Variants in ANXA3 observed in about 807,000 individuals in gnomAD.
ANXA3 encodes the protein annexin A3, also known as 35-alpha calcimedin.
In ANXA3, 46 loss-of-function variants were observed where a neutral mutation model predicts 48.8. The observed-to-expected ratio is 0.94, with a 90% confidence interval of 0.74 to 1.21. The LOEUF (loss-of-function observed/expected upper bound fraction) is 1.21. Ranked by LOEUF, ANXA3 falls within the 50% of genes most tolerant of loss-of-function variation. The pLI is 0.00. For missense variants in ANXA3, 383 were observed against 378.6 expected, an observed-to-expected ratio of 1.01 and a Z score of -0.10; for synonymous variants, 128 against 134.7, an observed-to-expected ratio of 0.95 and a Z score of 0.35.
At position 78,610,206 on chromosome 4, in the gene ANXA3, A is replaced by G. The variant is rs1485883966; in HGVS notation, c.*91A>G. 1.2e-6 allele frequency: 1 copy of G among 808,052 alleles called. No individual in the cohort carries two copies. The highest frequency in any genetic ancestry group is 2.0e-6 in the Non-Finnish European group (1 of 511,360). The allele number at this position is 808,052 out of a possible 1,614,324, so 50.1% of individuals were successfully genotyped here. A position where few individuals can be genotyped will look rare whatever the true frequency, so the allele number is the denominator to read the frequency against. ...ATACTATTTAAGAGAACAAGCAAAT[A>G]TAAACAGCAACTTGTGTTCCTAACA... On this transcript the variant is annotated 3_prime_UTR_variant, in exon 13 of 13. Transcript: ENST00000264908.
chr4:78,587,867 G>A (rs1723209252), intron 6 of ANXA3, among the ~76,000 whole-genome samples: 1 of 152,200 alleles, frequency 6.6e-6, no homozygotes, highest in Non-Finnish European at 1.5e-5. Flanking sequence ...GCTGAGGTCA[G>A]CGGATCACAA....
intron 6 of ANXA3, among the ~76,000 whole-genome samples, chr4:78,589,736 C>T (rs1723251727): frequency 6.6e-6 from 1 of 152,128 alleles, no homozygotes; most frequent in Non-Finnish European, 1.5e-5. Flanking sequence ...TCACTCGCTC[C>T]CTAAGAGAGA....
intron 5 of ANXA3, among the ~76,000 whole-genome samples, chr4:78,586,038 T>C (rs1039692414): frequency 1.2e-4 from 18 of 152,234 alleles, no homozygotes; most frequent in Admixed American, 7.9e-4. Flanking sequence ...AATTATTCAA[T>C]TGATTTTCAC....
At chr4:78,589,212 C>T (rs192134256) in intron 6 of ANXA3, among the ~76,000 whole-genome samples, 79 of 152,224 alleles carry the variant, frequency 5.2e-4, no homozygotes, top group African/African-American at 1.8e-3. Flanking sequence ...TCTTAAGAGC[C>T]AAGTGAAACT....
intron 12 of ANXA3, among the ~76,000 whole-genome samples, chr4:78,607,265 T>A (rs1723666412): frequency 2.0e-5 from 3 of 152,212 alleles, no homozygotes; most frequent in Non-Finnish European, 4.4e-5. Context: ...TATTAAGTAA[T>A]CTCATTACAT....
At chr4:78,604,693 T>C (rs1330677768) in intron 12 of ANXA3, among the ~76,000 whole-genome samples, 1 of 152,234 alleles carries the variant, frequency 6.6e-6, no homozygotes, top group African/African-American at 2.4e-5. Context: ...ATTGCACTGT[T>C]TTTATTTATT....
chr4:78,551,808 C>A lies in ANXA3; in HGVS notation c.-90C>A, dbSNP rs1349872879. ...TGCGCCCGCGGCTGACACCTTCGCT[C>A]GCAGTTTGTTCGCAGTTTACTCGCA... On this transcript the variant is annotated 5_prime_UTR_variant, in exon 1 of 13. Transcript: ENST00000264908. 1 of 152,294 alleles carries A rather than the reference C, an allele frequency of 6.6e-6. No homozygotes were observed. The highest frequency in any genetic ancestry group is 1.5e-5 in the Non-Finnish European group (1 of 68,084). 9.4% of individuals were successfully genotyped at this position (152,294 alleles called of 1,614,324 possible).
intron 2 of ANXA3, among the ~76,000 whole-genome samples, chr4:78,556,324 T>C (rs1356268032): frequency 6.6e-6 from 1 of 152,086 alleles, no homozygotes; most frequent in Non-Finnish European, 1.5e-5. Context: ...AGTCCCAAGA[T>C]GTAATAATTT....
intron 2 of ANXA3, among the ~76,000 whole-genome samples, chr4:78,570,389 C>G (rs1306590398): frequency 6.6e-6 from 1 of 152,218 alleles, no homozygotes; most frequent in Non-Finnish European, 1.5e-5. Context: ...GCATGAACAA[C>G]TGGGATCTGA....
In ANXA3 at chr4:78,554,421, G is replaced by C. The variant is rs979526110; in HGVS notation, c.-38-15G>C. On this transcript the variant is annotated splice_polypyrimidine_tract_variant and intron_variant, in intron 1 of 12. Transcript: ENST00000264908. ...CACATATTGATACCATTTACTAATT[G>C]TTTTCTTTTAATAGATTAGTGTGAT... The C allele has an allele frequency of 5.2e-6, 8 of 1,538,772 alleles. No homozygotes were observed. The highest frequency in any genetic ancestry group is 7.2e-6 in the Non-Finnish European group (8 of 1,113,640).
At chr4:78,606,361 C>T (rs1274865249) in intron 12 of ANXA3, among the ~76,000 whole-genome samples, 1 of 152,136 alleles carries the variant, frequency 6.6e-6, no homozygotes, top group Non-Finnish European at 1.5e-5. Context: ...GAATGGAGTC[C>T]ATGCTGATTA....
At chr4:78,568,639 A>T (rs1722779273) in intron 2 of ANXA3, among the ~76,000 whole-genome samples, 1 of 152,204 alleles carries the variant, frequency 6.6e-6, no homozygotes, top group Non-Finnish European at 1.5e-5. Flanking sequence ...ATCCTTCTGA[A>T]TGTAAATGTT....
At chr4:78,570,586 C>T (rs1261661184) in intron 2 of ANXA3, among the ~76,000 whole-genome samples, 1 of 152,168 alleles carries the variant, frequency 6.6e-6, no homozygotes, top group African/African-American at 2.4e-5. Context: ...AGAGACTGCA[C>T]TTCATGAAAC....
At chr4:78,560,028 C>G (rs944496108) in intron 2 of ANXA3, among the ~76,000 whole-genome samples, 1 of 152,280 alleles carries the variant, frequency 6.6e-6, no homozygotes. Flanking sequence ...CAATAGCCCC[C>G]TCTCCCCATT....
At chr4:78,565,957 T>C (rs1386285426) in intron 2 of ANXA3, among the ~76,000 whole-genome samples, 2 of 152,188 alleles carry the variant, frequency 1.3e-5, no homozygotes, top group African/African-American at 4.8e-5. Context: ...TGTGGGATTT[T>C]TCTGTATACA....
chr4:78,588,760 G>T (rs1723229594), intron 6 of ANXA3, among the ~76,000 whole-genome samples: 1 of 152,172 alleles, frequency 6.6e-6, no homozygotes. Context: ...CAGATAGCTT[G>T]CACTTCTTTC....
intron 2 of ANXA3, among the ~76,000 whole-genome samples, chr4:78,569,543 G>GT (rs1722803351): frequency 6.6e-6 from 1 of 152,148 alleles, no homozygotes; most frequent in African/African-American, 2.4e-5. Context: ...TTTTGCTTTG[G>GT]TTTTCTAGAC....
At chr4:78,568,321 T>A (rs1032290382) in intron 2 of ANXA3, among the ~76,000 whole-genome samples, 2 of 152,228 alleles carry the variant, frequency 1.3e-5, no homozygotes, top group Non-Finnish European at 2.9e-5. Flanking sequence ...TTTTTTATAA[T>A]CTACTCCATT....
chr4:78,577,014 A>T (rs1301349517), intron 3 of ANXA3, among the ~76,000 whole-genome samples: 1 of 152,190 alleles, frequency 6.6e-6, no homozygotes, highest in Non-Finnish European at 1.5e-5. Flanking sequence ...GGCAGGAGAG[A>T]TCATAATGAG....
Sources: allele counts gnomAD v4.1 joint callset (sites outside exome capture counted in the v4.1 genomes callset), GRCh38; gene constraint gnomAD v4.1.1; transcripts MANE v1.5; gene names NCBI Gene and HGNC (gene_info 2026-07-23, HGNC 2026-07-21).